GIN1: variants seen among roughly 807,000 people sequenced by gnomAD.
GIN1 encodes gypsy retrotransposon integrase 1, also known as gypsy retrotransposon integrase-like protein 1.
A neutral mutation model predicts 51.4 loss-of-function variants in GIN1; 41 were observed. That is an observed-to-expected ratio of 0.80 (90% CI 0.62 to 1.04). The LOEUF is 1.04. GIN1 is among the 50% of genes least tolerant of loss of function. The pLI, the probability that GIN1 is intolerant of heterozygous loss-of-function variation, is 0.00. For missense variants in GIN1, 610 were observed against 612.4 expected, an observed-to-expected ratio of 1.00 and a Z score of 0.04; for synonymous variants, 222 against 206.5, an observed-to-expected ratio of 1.07 and a Z score of -0.64.
chr5:103,102,821 A>G (rs1469750570), intron 4 of GIN1: 5 of 152,194 alleles, frequency 3.3e-5, no homozygotes, highest in Non-Finnish European at 7.3e-5. Flanking sequence ...TGGAGGTTGC[A>G]GTGAGCCAAG....
chr5:103,089,896 C>T (rs1286322262), intron 7 of GIN1, among the ~76,000 whole-genome samples: 1 of 152,114 alleles, frequency 6.6e-6, no homozygotes, highest in Admixed American at 6.6e-5. Flanking sequence ...ACAGATCACA[C>T]AAAGCTATTC....
intron 1 of GIN1, among the ~76,000 whole-genome samples, chr5:103,118,759 T>C (rs559031820): frequency 6.6e-6 from 1 of 152,218 alleles, no homozygotes; most frequent in African/African-American, 2.4e-5. Context: ...GTTTTTTTTT[T>C]TTCAAAGCCC....
At position 103,097,763 on chromosome 5, in the gene GIN1, T is replaced by A; in HGVS notation, c.658A>T (p.Arg220Ter). The A allele has an allele frequency of 4.6e-6, 7 of 1,535,328 alleles. No individual in the cohort carries two copies. In the East Asian group the frequency reaches 1.3e-4, roughly 30 times the overall value. The change falls in exon 5 of 8, where the codon AGA becomes TGA. Residue 220 changes from arginine (R) to a stop codon, truncating the protein, a stop_gained. Transcript: ENST00000399004. LOFTEE classifies it high-confidence loss of function. ...ACAATTTGCTTTATGCCAAACAATC[T>A]GTACAGTTCAATATTGATCTGAAAA... is the stretch of plus-strand genomic sequence containing the variant. ...FIQQINIELY[R>*]LFGIKQIVIS...
At chr5:103,094,175 A>C (rs1787330732) in intron 7 of GIN1, among the ~76,000 whole-genome samples, 1 of 152,162 alleles carries the variant, frequency 6.6e-6, no homozygotes, top group Non-Finnish European at 1.5e-5. Context: ...TCAACTTGTG[A>C]GGTGATTTTC....
intron 7 of GIN1, among the ~76,000 whole-genome samples, chr5:103,093,081 T>C (rs1380468881): frequency 1.3e-5 from 2 of 152,046 alleles, no homozygotes; most frequent in African/African-American, 4.8e-5. Context: ...GGACTGTGCT[T>C]TGCTTTGTTT....
At chr5:103,096,407 T>G in intron 7 of GIN1, 134 bp downstream of exon 7, 1 of 679,050 alleles carries the variant, frequency 1.5e-6, no homozygotes. Flanking sequence ...CTACCTGGGA[T>G]AGCTAAAACT....
chr5:103,097,337 T>C lies in GIN1; in HGVS notation c.985A>G (p.Asn329Asp). The change falls in exon 6 of 8, where the codon AAT (asparagine) becomes GAT (aspartate). Residue 329 changes from asparagine (N) to aspartate (D), a missense_variant. Physicochemically the swap from Asn to Asp is conservative, Grantham distance 23. Transcript: ENST00000399004. ...ACCTGGCCCAGTGAAGTTGTCTTATTCTCCATTATTTTATCAGCTTCTTTA... is the reference window on the plus strand; with the variant it reads ...ACCTGGCCCAGTGAAGTTGTCTTATCCTCCATTATTTTATCAGCTTCTTTA... ...AIKEADKIME[N>D]KTTSLGQMEN... The C allele has an allele frequency of 6.3e-7, 1 of 1,597,646 alleles. No individual in the cohort carries two copies. Among genetic ancestry groups the C allele is most frequent in the East Asian group, 2.2e-5 (1 of 44,752 alleles).
rs5870042 is a variant in GIN1 at position 103,117,581 on chromosome 5, T to TATACACACACACACACACACACACAC, written c.-8+2482_-8+2483insGTGTGTGTGTGTGTGTGTGTGTGTAT. Among the ~76,000 whole-genome samples the TATACACACACACACACACACACACAC allele has an allele frequency of 3.9e-3, 583 of 149,482 alleles. 3 individuals carry two copies. Among genetic ancestry groups the TATACACACACACACACACACACACAC allele is most frequent in the Admixed American group, 5.5e-3 (83 of 15,010 alleles). On this transcript the variant is annotated intron_variant, in intron 1 of 7. Transcript: ENST00000399004. The stretch of plus-strand genomic sequence containing the variant: ...GGTTCTCTATATGAAGAAAAAAATA[T>TATACACACACACACACACACACACAC]ACACACACACACACACACATATCAT...
intron 7 of GIN1, among the ~76,000 whole-genome samples, chr5:103,094,438 T>C (rs1403959443): frequency 6.6e-6 from 1 of 152,158 alleles, no homozygotes; most frequent in African/African-American, 2.4e-5. Context: ...TTTGTCCTTA[T>C]ATTACTGGAA....
rs557974564 is a variant in GIN1, at chr5:103,087,723, C to T, written c.*175G>A. 13 of 481,724 alleles carry T rather than the reference C, an allele frequency of 2.7e-5. No individual in the cohort carries two copies. Among genetic ancestry groups the T allele is most frequent in the South Asian group, 7.5e-5 (2 of 26,772 alleles). The allele number at this position is 481,724 out of a possible 1,614,324, so 29.8% of individuals were successfully genotyped here. A position where few individuals can be genotyped will look rare whatever the true frequency, so the allele number is the denominator to read the frequency against. On this transcript the variant is annotated 3_prime_UTR_variant, in exon 8 of 8. Coordinates refer to ENST00000399004, the MANE Select transcript of GIN1 (RefSeq NM_017676.2). Reference sequence around the variant, plus strand: ...CATGCTTCCTTTGCCTTCATATGTACGTATACTGATATTCAAATGTGGCAT... The same window carrying T: ...CATGCTTCCTTTGCCTTCATATGTATGTATACTGATATTCAAATGTGGCAT...
chr5:103,104,109 A>T (rs1787653271), intron 4 of GIN1, among the ~76,000 whole-genome samples: 1 of 152,012 alleles, frequency 6.6e-6, no homozygotes, highest in Non-Finnish European at 1.5e-5. Context: ...GCCCACCACC[A>T]TGCCCAGTTA....
chr5:103,116,418 T>C (rs964400124), intron 1 of GIN1, among the ~76,000 whole-genome samples: 7 of 152,082 alleles, frequency 4.6e-5, no homozygotes, highest in African/African-American at 1.7e-4. Flanking sequence ...CAATTAAACA[T>C]CCTTTGAAAA....
At chr5:103,119,230 T>A (rs987527104) in intron 1 of GIN1, among the ~76,000 whole-genome samples, 2 of 152,218 alleles carry the variant, frequency 1.3e-5, no homozygotes, top group Admixed American at 1.3e-4. Context: ...TAAAAGGTTA[T>A]AATACCCGCT....
In GIN1 at chr5:103,104,741, G is replaced by A; in HGVS notation, c.439C>T (p.Leu147=). 1 of 1,609,786 alleles carries A rather than the reference G, an allele frequency of 6.2e-7. No individual in the cohort carries two copies. Among genetic ancestry groups the A allele is most frequent in the Non-Finnish European group, 8.5e-7 (1 of 1,176,168 alleles). The stretch of plus-strand genomic sequence containing the variant: ...TTGCTTGTATGAAAAGGCCCCATCA[G>A]ATCAACAGTAACTAAACTCCATGGA... ...ENPWSLVTVD[L]MGPFHTSNRS... is the part of the protein sequence containing the mutation. The change falls in exon 4 of 8, where the codon CTG becomes TTG. Residue 147 remains leucine (L), a synonymous_variant. Coordinates refer to ENST00000399004, the MANE Select transcript of GIN1 (RefSeq NM_017676.2).
chr5:103,096,020 C>G (rs1259065722), intron 7 of GIN1, among the ~76,000 whole-genome samples: 1 of 152,068 alleles, frequency 6.6e-6, no homozygotes, highest in Non-Finnish European at 1.5e-5. Context: ...GTATCTCCCA[C>G]ATAAACTATG....
chr5:103,087,866 A>T lies in GIN1; in HGVS notation c.*32T>A, dbSNP rs1554194059. ...AGATATCATTAAGAATTTATATTCT[A>T]AACAAACAATTTAAATAAATTTTGG... On this transcript the variant is annotated 3_prime_UTR_variant, in exon 8 of 8. Coordinates refer to ENST00000399004, the MANE Select transcript of GIN1 (RefSeq NM_017676.2). 1.1e-6 allele frequency: 1 copy of T among 929,610 alleles called. No homozygotes were observed. Among genetic ancestry groups the T allele is most frequent in the East Asian group, 2.6e-5 (1 of 37,888 alleles). 57.6% of individuals were successfully genotyped at this position (929,610 alleles called of 1,614,324 possible).
chr5:103,104,485 G>T, intron 4 of GIN1, 56 bp downstream of exon 4: 2 of 824,902 alleles, frequency 2.4e-6, no homozygotes, highest in Non-Finnish European at 3.9e-6. Context: ...CACTGGTTCT[G>T]GACACTGAAA....
chr5:103,102,703 G>A (rs182917409), intron 4 of GIN1: 3 of 152,014 alleles, frequency 2.0e-5, no homozygotes, highest in Non-Finnish European at 4.4e-5. Context: ...TGTGAGTTCA[G>A]GAGTTCAAAA....
In GIN1 at chr5:103,097,780, A is replaced by T; in HGVS notation, c.641T>A (p.Ile214Asn). ...AAACAATCTGTACAGTTCAATATTG[A>T]TCTGAAAAATATATAAAACAAAGGT... Reference protein sequence around the residue: ...MDQRDEFIQQINIELYRLFGI... With the variant: ...MDQRDEFIQQNNIELYRLFGI... The change falls in exon 5 of 8, where the codon ATC (isoleucine) becomes AAC (asparagine). Residue 214 changes from isoleucine (I) to asparagine (N), a missense_variant and splice_region_variant. Coordinates refer to ENST00000399004, the MANE Select transcript of GIN1 (RefSeq NM_017676.2). 1 of 1,361,066 alleles carries T rather than the reference A, an allele frequency of 7.3e-7. No homozygotes were observed. Among genetic ancestry groups the T allele is most frequent in the Non-Finnish European group, 1.0e-6 (1 of 976,176 alleles). 84.3% of individuals were successfully genotyped at this position (1,361,066 alleles called of 1,614,324 possible). A position where few individuals can be genotyped will look rare whatever the true frequency, so the allele number is the denominator to read the frequency against.
Sources: gnomAD v4.1 joint callset for allele counts (sites outside exome capture counted in the v4.1 genomes callset) on GRCh38, gnomAD v4.1.1 for gene constraint, MANE v1.5 for transcripts, NCBI Gene and HGNC (gene_info 2026-07-23, HGNC 2026-07-21) for gene names.